The following SRBD1 variants were observed in gnomAD, a reference collection of about 807,000 sequenced individuals.
The protein encoded by SRBD1 is S1 RNA-binding domain-containing protein 1.
In SRBD1, 88 loss-of-function variants were observed where a neutral mutation model predicts 115.3. The ratio of observed to expected loss-of-function variants is 0.76; its 90% CI spans 0.64 to 0.91. The LOEUF (loss-of-function observed/expected upper bound fraction) is 0.91, where lower values mean the gene tolerates loss of function less well. Ranked by LOEUF, SRBD1 falls within the 40% of genes least tolerant of loss-of-function variation. The probability of loss-of-function intolerance (pLI) is 0.00; values close to 1 mark genes in which losing one functional copy is unlikely to be tolerated. For missense variants in SRBD1, 1,385 were observed against 1,177.4 expected (o/e 1.18, Z -2.58); for synonymous variants, 509 against 407.7 (o/e 1.25, Z -2.99).
chr2:45,601,939 A>G lies in SRBD1; in HGVS notation c.225T>C (p.Ser75=). ...PRVKKNAPQI[S]DGSEVVVVKE... ...TAACAACAACGACTTCTGAGCCATC[A>G]CTGATCTGTGGGGCATTCTTCTTCA... is the stretch of plus-strand genomic sequence containing the variant. Residue 75 remains serine (S), a synonymous_variant, in exon 3 of 21, where the codon AGT becomes AGC. Coordinates refer to ENST00000263736, the MANE Select transcript of SRBD1 (RefSeq NM_018079.5). 1.2e-6 allele frequency: 2 copies of G among 1,614,090 alleles called. No homozygotes were observed. The highest frequency in any genetic ancestry group is 2.2e-5 in the South Asian group (2 of 91,078).
intron 14 of SRBD1, among the ~76,000 whole-genome samples, chr2:45,533,883 A>G (rs1671686245): frequency 6.6e-6 from 1 of 152,064 alleles, no homozygotes; most frequent in African/African-American, 2.4e-5. Context: ...AACAAAAACA[A>G]TCAAGAATCT....
intron 14 of SRBD1, among the ~76,000 whole-genome samples, chr2:45,542,055 T>C (rs916049892): frequency 1.3e-5 from 2 of 152,204 alleles, no homozygotes; most frequent in African/African-American, 4.8e-5. Context: ...CCTCCCACCA[T>C]CAGCATGCAT....
chr2:45,476,763 C>G (rs184157432), intron 16 of SRBD1, among the ~76,000 whole-genome samples: 39 of 152,318 alleles, frequency 2.6e-4, no homozygotes, highest in African/African-American at 8.9e-4. Flanking sequence ...CATAGTCTTT[C>G]AATCTGACCA....
intron 8 of SRBD1, among the ~76,000 whole-genome samples, chr2:45,574,421 A>T (rs554169223): frequency 6.6e-6 from 1 of 152,346 alleles, no homozygotes; most frequent in South Asian, 2.1e-4. Flanking sequence ...GCAGAGTTCC[A>T]GGCTCCCTGT....
intron 15 of SRBD1, among the ~76,000 whole-genome samples, chr2:45,479,164 C>T (rs1669887907): frequency 6.6e-6 from 1 of 152,166 alleles, no homozygotes; most frequent in Non-Finnish European, 1.5e-5. Context: ...TCCCCTCCCT[C>T]CCTCTCCTGG....
At chr2:45,431,152 G>A (rs563800167) in intron 16 of SRBD1, among the ~76,000 whole-genome samples, 1 of 152,306 alleles carries the variant, frequency 6.6e-6, no homozygotes, top group East Asian at 1.9e-4. Flanking sequence ...ATGCTGGAGA[G>A]GATGTGGAGA....
intron 1 of SRBD1, among the ~76,000 whole-genome samples, chr2:45,607,182 G>A (rs1674299347): frequency 6.6e-6 from 1 of 152,192 alleles, no homozygotes. Flanking sequence ...CATTGATCAT[G>A]AAAGAACAGG....
At chr2:45,479,660 A>G (rs138654642) in intron 15 of SRBD1, among the ~76,000 whole-genome samples, 1,771 of 152,326 alleles carry the variant, frequency 0.012, 13 homozygotes, top group Middle Eastern at 0.02. Flanking sequence ...TCCTAACATA[A>G]AAGTACAAGG....
chr2:45,421,506 CAAACAAAAAAAAAAAAAAAA>C (rs1329619298), intron 16 of SRBD1, among the ~76,000 whole-genome samples: 72 of 48,080 alleles, frequency 1.5e-3, no homozygotes, highest in African/African-American at 4.2e-3. Context: ...GACTCCGTCT[CAAACAAAAAAAAAAAAAAAA>C]AAAAAAAAAA....
chr2:45,507,986 G>C (rs1572714586), intron 14 of SRBD1, among the ~76,000 whole-genome samples: 1 of 151,976 alleles, frequency 6.6e-6, no homozygotes, highest in Non-Finnish European at 1.5e-5. Flanking sequence ...TTACCTAAAA[G>C]GAATGACATT....
chr2:45,567,767 G>A (rs983290051), intron 9 of SRBD1, among the ~76,000 whole-genome samples: 3 of 152,184 alleles, frequency 2.0e-5, no homozygotes, highest in Non-Finnish European at 4.4e-5. Flanking sequence ...TTAGTAAACA[G>A]AAGTTCTTCA....
At position 45,389,319 on chromosome 2, in the gene SRBD1, C is replaced by A. The variant is rs765395806; in HGVS notation, c.2979G>T (p.Arg993=). 1.2e-6 allele frequency: 2 copies of A among 1,613,152 alleles called. No individual in the cohort carries two copies. Among genetic ancestry groups the A allele is most frequent in the African/African-American group, 2.7e-5 (2 of 74,782 alleles). Residue 993 remains arginine (R), a synonymous_variant, in exon 21 of 21, where the codon CGG becomes CGT. Transcript: ENST00000263736. ...GGCCTTCGTGGGATACTCATAACAC[C>A]CGAATGAGGTCCAGAGTAATCCTAG... ...PRSRITLDLI[R]VL
intron 16 of SRBD1, among the ~76,000 whole-genome samples, chr2:45,444,379 C>A (rs1255997152): frequency 6.6e-6 from 1 of 152,142 alleles, no homozygotes; most frequent in Non-Finnish European, 1.5e-5. Flanking sequence ...ACCAAAATAT[C>A]CACATAACTT....
chr2:45,442,697 C>A (rs1668706151), intron 16 of SRBD1, among the ~76,000 whole-genome samples: 1 of 152,120 alleles, frequency 6.6e-6, no homozygotes, highest in Non-Finnish European at 1.5e-5. Flanking sequence ...AGGGAATATT[C>A]TATTGGAGTA....
intron 19 of SRBD1, 51 bp from the exon 20 acceptor site, chr2:45,393,180 G>C (rs377644328): frequency 2.6e-6 from 4 of 1,526,092 alleles, no homozygotes; most frequent in Non-Finnish European, 3.5e-6. Flanking sequence ...TACTCCTTTT[G>C]CAATCTCCTT....
intron 14 of SRBD1, among the ~76,000 whole-genome samples, chr2:45,542,712 G>A (rs1369638669): frequency 1.3e-5 from 2 of 152,210 alleles, no homozygotes; most frequent in Admixed American, 6.5e-5. Context: ...ATTTACCTAA[G>A]AGAAATGACA....
At chr2:45,420,275 G>A (rs548674408) in intron 16 of SRBD1, among the ~76,000 whole-genome samples, 7 of 152,204 alleles carry the variant, frequency 4.6e-5, no homozygotes, top group East Asian at 3.9e-4. Context: ...ACAAGTTCCC[G>A]GATGATACTG....
intron 14 of SRBD1, among the ~76,000 whole-genome samples, chr2:45,529,293 T>A (rs1304968082): frequency 6.6e-6 from 1 of 151,810 alleles, no homozygotes; most frequent in Non-Finnish European, 1.5e-5. Flanking sequence ...CACTTCTCAC[T>A]AAGAAAATGT....
At chr2:45,475,887 C>CA (rs1302790740) in intron 16 of SRBD1, among the ~76,000 whole-genome samples, 2 of 152,134 alleles carry the variant, frequency 1.3e-5, no homozygotes, top group Non-Finnish European at 2.9e-5. Context: ...TTAGTAGAGA[C>CA]AGAGTTTTGT....
Sources: allele counts gnomAD v4.1 joint callset (sites outside exome capture counted in the v4.1 genomes callset), GRCh38; gene constraint gnomAD v4.1.1; transcripts MANE v1.5; gene names NCBI Gene and HGNC (gene_info 2026-07-23, HGNC 2026-07-21).